SEL1L3: variants seen among roughly 807,000 people sequenced by gnomAD.
SEL1L3 encodes protein sel-1 homolog 3.
Under a neutral mutation model 142.8 loss-of-function variants are expected in SEL1L3, and 76 were observed. That is an observed-to-expected ratio of 0.53 (90% CI 0.44 to 0.64). The LOEUF is 0.64. Among genes scored for constraint, SEL1L3 ranks in the 30% least tolerant of loss-of-function variants. SEL1L3 has a pLI of 0.00. For missense variants in SEL1L3, 1,262 were observed against 1,381.7 expected (o/e 0.91, Z 1.37); for synonymous variants, 504 against 519.6 (o/e 0.97, Z 0.41).
intron 17 of SEL1L3, among the ~76,000 whole-genome samples, chr4:25,771,105 A>T (rs2109146568): frequency 6.6e-6 from 1 of 152,412 alleles, no homozygotes; most frequent in East Asian, 1.9e-4. Flanking sequence ...AACAGACGCT[A>T]TCTGAAAGTA....
At chr4:25,716,931 A>G in the SEL1L3 span, among the ~76,000 whole-genome samples, 44 of 152,132 alleles carry the variant, frequency 2.9e-4, no homozygotes, top group African/African-American at 1.0e-3. Context: ...GTTCGAGACC[A>G]GCCTGGTCAA....
chr4:25,739,071 G>A, the SEL1L3 span, among the ~76,000 whole-genome samples: 1 of 151,958 alleles, frequency 6.6e-6, no homozygotes, highest in African/African-American at 2.4e-5. Context: ...AGCCAGGCAT[G>A]GTGGGGGCAC....
chr4:25,733,281 G>T, the SEL1L3 span, among the ~76,000 whole-genome samples: 1 of 151,608 alleles, frequency 6.6e-6, no homozygotes, highest in African/African-American at 2.4e-5. Flanking sequence ...TTTTATTTAG[G>T]TTTTCTTTAA....
At chr4:25,808,876 T>C (rs1053613492) in intron 9 of SEL1L3, among the ~76,000 whole-genome samples, 1 of 152,284 alleles carries the variant, frequency 6.6e-6, no homozygotes, top group African/African-American at 2.4e-5. Context: ...GAGAACACCC[T>C]GGCTAACACG....
At chr4:25,761,903 A>C (rs146893176) in intron 20 of SEL1L3, among the ~76,000 whole-genome samples, 2 of 152,368 alleles carry the variant, frequency 1.3e-5, no homozygotes, top group African/African-American at 4.8e-5. Context: ...TTCAGAAAGC[A>C]AAATGGCAGC....
intron 23 of SEL1L3, among the ~76,000 whole-genome samples, chr4:25,750,268 A>G (rs1030307646): frequency 6.6e-6 from 1 of 151,906 alleles, no homozygotes; most frequent in African/African-American, 2.4e-5. Flanking sequence ...AAGAAAAAAG[A>G]AACCCAGCCA....
intron 6 of SEL1L3, among the ~76,000 whole-genome samples, chr4:25,826,306 G>A (rs1453438074): frequency 4.6e-5 from 7 of 152,152 alleles, no homozygotes; most frequent in East Asian, 1.9e-4. Flanking sequence ...CTGCAATCCC[G>A]AGCACTTAAT....
At chr4:25,774,706 A>G (rs1719484439) in intron 17 of SEL1L3, among the ~76,000 whole-genome samples, 1 of 152,160 alleles carries the variant, frequency 6.6e-6, no homozygotes. Flanking sequence ...AAAAATACAA[A>G]AATTATCTGG....
chr4:25,853,664 C>CTTTTT (rs34922528), intron 1 of SEL1L3, among the ~76,000 whole-genome samples: 132 of 82,978 alleles, frequency 1.6e-3, no homozygotes, highest in East Asian at 2.1e-3. Context: ...CTCTTCTTAC[C>CTTTTT]TTTTTTTTTT....
rs1490870157 is a variant in SEL1L3, at chr4:25,818,238, A to G, written c.1464T>C (p.Tyr488=). 1 of 1,602,778 alleles carries G rather than the reference A, an allele frequency of 6.2e-7. No homozygotes were observed. Among genetic ancestry groups the G allele is most frequent in the South Asian group, 1.1e-5 (1 of 88,706 alleles). The part of the protein sequence containing the change: ...HNSYLDLQRR[Y]GRPSMCRAFP... ...AGGCTCTGCACATCGAGGGTCTCCC[A>G]TACCTGCGCTGGAGGTCCAGGTAGG... Residue 488 remains tyrosine (Y), a synonymous_variant, in exon 9 of 24, where the codon TAT becomes TAC. Transcript: ENST00000399878.
intron 2 of SEL1L3, among the ~76,000 whole-genome samples, chr4:25,842,848 A>T (rs1195847464): frequency 6.6e-6 from 1 of 152,244 alleles, no homozygotes; most frequent in Non-Finnish European, 1.5e-5. Context: ...GCAACTAAAG[A>T]TATTTACTGA....
At chr4:25,716,855 G>A in the SEL1L3 span, among the ~76,000 whole-genome samples, 3 of 152,264 alleles carry the variant, frequency 2.0e-5, no homozygotes, top group South Asian at 2.1e-4. Flanking sequence ...GGCCAGGTGC[G>A]GTGGCTCATG....
chr4:25,817,853 T>C (rs912369837), intron 9 of SEL1L3, among the ~76,000 whole-genome samples: 4 of 152,222 alleles, frequency 2.6e-5, no homozygotes, highest in Non-Finnish European at 2.9e-5. Flanking sequence ...CAACTGCATC[T>C]GGGGCTGGCT....
the SEL1L3 span, among the ~76,000 whole-genome samples, chr4:25,722,106 T>C: frequency 6.6e-6 from 1 of 152,164 alleles, no homozygotes; most frequent in Admixed American, 6.5e-5. Context: ...CAGGGCCTTA[T>C]ATACCATTTT....
At chr4:25,768,630 C>T (rs1173826053) in intron 17 of SEL1L3, among the ~76,000 whole-genome samples, 4 of 152,040 alleles carry the variant, frequency 2.6e-5, no homozygotes, top group South Asian at 2.1e-4. Flanking sequence ...TCTGTTGCCA[C>T]GGAGTTCATG....
At position 25,804,755 on chromosome 4, in the gene SEL1L3, G is replaced by A. The variant is rs1357284530; in HGVS notation, c.1565-3C>T. The A allele has an allele frequency of 1.9e-6, 3 of 1,595,018 alleles. No individual in the cohort carries two copies. The highest frequency in any genetic ancestry group is 2.6e-6 in the Non-Finnish European group (3 of 1,163,318). On this transcript the variant is annotated splice_region_variant and splice_polypyrimidine_tract_variant and intron_variant, in intron 9 of 23. Transcript: ENST00000399878. Reference sequence around the variant, plus strand: ...AGATTCATTTTGGTTCCTTGGCACTGTAAATAACACAATTCAGAGCACACA... The same window carrying A: ...AGATTCATTTTGGTTCCTTGGCACTATAAATAACACAATTCAGAGCACACA...
chr4:25,756,620 A>G (rs753509783), intron 23 of SEL1L3: 44 of 977,656 alleles, frequency 4.5e-5, no homozygotes, highest in African/African-American at 6.9e-5. Flanking sequence ...TGAGTAGCCA[A>G]GCCTGGACTC....
At position 25,809,574 on chromosome 4, in the gene SEL1L3, G is replaced by A. The variant is rs1032993491; in HGVS notation, c.1565-4822C>T. 4.6e-5 allele frequency among the ~76,000 whole-genome samples: 7 copies of A among 152,070 alleles called. No individual in the cohort carries two copies. The East Asian group carries it at 7.7e-4, about 17-fold the overall frequency. ...GCTGGAATTACAGGTATGAGCCTCC[G>A]CTCCTGACCCCGTATAAACTTTCTG... is the stretch of plus-strand genomic sequence containing the variant. On this transcript the variant is annotated intron_variant, in intron 9 of 23. Coordinates refer to ENST00000399878, the MANE Select transcript of SEL1L3 (RefSeq NM_015187.5).
At chr4:25,751,955 A>G (rs1233599322) in intron 23 of SEL1L3, among the ~76,000 whole-genome samples, 4 of 151,984 alleles carry the variant, frequency 2.6e-5, no homozygotes, top group Non-Finnish European at 5.9e-5. Flanking sequence ...CTAAAAATAC[A>G]AAATTTAGCT....
Sources: gnomAD v4.1 joint callset for allele counts (sites outside exome capture counted in the v4.1 genomes callset) on GRCh38, gnomAD v4.1.1 for gene constraint, MANE v1.5 for transcripts, NCBI Gene and HGNC (gene_info 2026-07-23, HGNC 2026-07-21) for gene names.